Variants in MRM1 observed in about 807,000 individuals in gnomAD.
MRM1 encodes the protein rRNA methyltransferase 1, mitochondrial.
Under a neutral mutation model 25.0 loss-of-function variants are expected in MRM1, and 24 were observed. The ratio of observed to expected loss-of-function variants is 0.96; its 90% CI spans 0.69 to 1.35. MRM1 has a LOEUF of 1.35. MRM1 is among the 40% of genes most tolerant of loss of function. The probability of loss-of-function intolerance (pLI) is 0.00; values close to 1 mark genes in which losing one functional copy is unlikely to be tolerated. For missense variants in MRM1, 431 were observed against 464.1 expected, an observed-to-expected ratio of 0.93 and a Z score of 0.65; for synonymous variants, 188 against 199.2, an observed-to-expected ratio of 0.94 and a Z score of 0.47.
the MRM1 span, among the ~76,000 whole-genome samples, chr17:36,619,900 G>A: frequency 6.6e-6 from 1 of 152,094 alleles, no homozygotes; most frequent in African/African-American, 2.4e-5. Context: ...TAATGGATGC[G>A]AGGCGGCATC....
chr17:36,627,536 C>T, the MRM1 span, among the ~76,000 whole-genome samples: 1 of 149,782 alleles, frequency 6.7e-6, no homozygotes, highest in Admixed American at 6.6e-5. Context: ...GTTGACGAGA[C>T]CCTGACTGGG....
chr17:36,631,079 T>C, the MRM1 span, among the ~76,000 whole-genome samples: 1 of 152,248 alleles, frequency 6.6e-6, no homozygotes, highest in East Asian at 1.9e-4. Context: ...GAATGTTAGA[T>C]GCATGGAAGG....
downstream of MRM1, among the ~76,000 whole-genome samples, chr17:36,612,586 G>A (rs1473719567): frequency 3.3e-5 from 5 of 152,156 alleles, no homozygotes; most frequent in African/African-American, 9.7e-5. Flanking sequence ...TCCCCTGCAG[G>A]GCAAAGTTGG....
At chr17:36,617,237 G>A in the MRM1 span, among the ~76,000 whole-genome samples, 1 of 152,104 alleles carries the variant, frequency 6.6e-6, no homozygotes, top group Non-Finnish European at 1.5e-5. Flanking sequence ...AGATTTGAAG[G>A]CTCAGGCCTG....
chr17:36,633,951 G>C, the MRM1 span: 4 of 152,504 alleles, frequency 2.6e-5, no homozygotes, highest in Non-Finnish European at 5.9e-5. Flanking sequence ...CTGCGCGCTG[G>C]GGGTGATGTT....
At chr17:36,614,705 T>C in the MRM1 span, among the ~76,000 whole-genome samples, 7 of 152,024 alleles carry the variant, frequency 4.6e-5, no homozygotes, top group East Asian at 7.7e-4. Flanking sequence ...GTCTCTTCTG[T>C]AAAATGAGGA....
chr17:36,634,327 G>A, the MRM1 span: 4 of 152,210 alleles, frequency 2.6e-5, no homozygotes, highest in African/African-American at 9.7e-5. Flanking sequence ...TCACATCTGC[G>A]ACCTGCTGTA....
At chr17:36,617,199 CA>C in the MRM1 span, among the ~76,000 whole-genome samples, 157 of 152,272 alleles carry the variant, frequency 1.0e-3, no homozygotes, top group Non-Finnish European at 2.0e-3. Context: ...AGACTCCAGA[CA>C]TGGGTTCAAA....
chr17:36,604,706 G>A lies in MRM1; in HGVS notation c.636+2060G>A, dbSNP rs182742708. Among the ~76,000 whole-genome samples the A allele has an allele frequency of 2.6e-5, 4 of 151,832 alleles. No individual in the cohort carries two copies. In the East Asian group the frequency reaches 5.8e-4, roughly 22 times the overall value. On this transcript the variant is annotated intron_variant, in intron 2 of 4. Transcript: ENST00000614766. Reference sequence around the variant, plus strand: ...CTGTAGTCCCAGCTACTCGGGAGGCGGAGGTAGGAGAATCGCTTGAACCCG... The same window carrying A: ...CTGTAGTCCCAGCTACTCGGGAGGCAGAGGTAGGAGAATCGCTTGAACCCG...
chr17:36,614,520 C>G, the MRM1 span, among the ~76,000 whole-genome samples: 1 of 152,166 alleles, frequency 6.6e-6, no homozygotes. Context: ...ATCCTCTTCC[C>G]TCAACCTCTA....
rs1373488371 is a variant in MRM1 at position 36,602,433 on chromosome 17, C to T, written c.542+81C>T. On this transcript the variant is annotated intron_variant, in intron 1 of 4. Coordinates refer to ENST00000614766, the MANE Select transcript of MRM1 (RefSeq NM_024864.5). This position sits in a 1 kb window ranked among gnomAD's most constrained non-coding sequence, Gnocchi z 4.1. ...TAAGCACCTTGGCCCTTGGGTGATCCCTTAGCCAGACTTACCTGTCCCAGA... is the reference window on the plus strand; with the variant it reads ...TAAGCACCTTGGCCCTTGGGTGATCTCTTAGCCAGACTTACCTGTCCCAGA... 24 of 1,569,058 alleles carry T rather than the reference C, an allele frequency of 1.5e-5. No homozygotes were observed. In the Admixed American group the frequency reaches 3.0e-4, roughly 20 times the overall value.
At position 36,601,720 on chromosome 17, in the gene MRM1, C is replaced by G; in HGVS notation, c.-91C>G. 1 of 1,343,310 alleles carries G rather than the reference C, an allele frequency of 7.4e-7. No homozygotes were observed. The highest frequency in any genetic ancestry group is 1.0e-6 in the Non-Finnish European group (1 of 1,000,996). The allele number at this position is 1,343,310 out of a possible 1,614,324, so 83.2% of individuals were successfully genotyped here. A position where few individuals can be genotyped will look rare whatever the true frequency, so the allele number is the denominator to read the frequency against. On this transcript the variant is annotated 5_prime_UTR_variant, in exon 1 of 5. Transcript: ENST00000614766. ...GACGGCTGTCGAGTACCCTTCACCT[C>G]GGTGTTGGGAGCCTGGGAGCGAACT...
chr17:36,620,566 G>A, the MRM1 span, among the ~76,000 whole-genome samples: 1 of 152,226 alleles, frequency 6.6e-6, no homozygotes, highest in Non-Finnish European at 1.5e-5. Flanking sequence ...CCTGTCACTA[G>A]AGTTGTGCGA....
downstream of MRM1, among the ~76,000 whole-genome samples, chr17:36,610,803 A>T (rs1016286392): frequency 6.6e-6 from 1 of 152,030 alleles, no homozygotes; most frequent in African/African-American, 2.4e-5. Flanking sequence ...AGAAGGAGCC[A>T]TGTGTTGGTT....
At chr17:36,631,612 T>C in the MRM1 span, among the ~76,000 whole-genome samples, 9 of 152,242 alleles carry the variant, frequency 5.9e-5, no homozygotes, top group Admixed American at 5.2e-4. Context: ...GCATCCCTCC[T>C]GTCCTGCCAG....
At position 36,601,895 on chromosome 17, in the gene MRM1, C is replaced by A. The variant is rs2074872220; in HGVS notation, c.85C>A (p.Arg29=). The A allele has an allele frequency of 6.2e-7, 1 of 1,610,682 alleles. No homozygotes were observed. Among genetic ancestry groups the A allele is most frequent in the Non-Finnish European group, 8.5e-7 (1 of 1,179,424 alleles). ...CTCCCATGCAGCGCGGCATGGGGAG[C>A]GGCCTGGTGGGGAGGAGCTAAGCCG... is the stretch of plus-strand genomic sequence containing the variant. ...HFSHAARHGE[R]PGGEELSRLL... The change falls in exon 1 of 5, where the codon CGG becomes AGG. Residue 29 remains arginine (R), a synonymous_variant. Transcript: ENST00000614766.
At chr17:36,613,644 G>A (rs2074990424), downstream of MRM1, among the ~76,000 whole-genome samples, 1 of 152,204 alleles carries the variant, frequency 6.6e-6, no homozygotes, top group African/African-American at 2.4e-5. Flanking sequence ...AGGGAAAGCA[G>A]ACAGGGAGGC....
the MRM1 span, among the ~76,000 whole-genome samples, chr17:36,631,644 G>A: frequency 6.6e-6 from 1 of 152,220 alleles, no homozygotes; most frequent in Non-Finnish European, 1.5e-5. Flanking sequence ...TCTGAGCTCA[G>A]GTAAGCTGTC....
chr17:36,627,064 A>G, the MRM1 span, among the ~76,000 whole-genome samples: 1 of 152,206 alleles, frequency 6.6e-6, no homozygotes, highest in African/African-American at 2.4e-5. Flanking sequence ...GGGTTATTGT[A>G]GGACAGAATG....
Sources: gnomAD v4.1 joint callset for allele counts (sites outside exome capture counted in the v4.1 genomes callset) on GRCh38, gnomAD v4.1.1 for gene constraint, Gnocchi (gnomAD v3.1) non-coding constraint, MANE v1.5 for transcripts, NCBI Gene and HGNC (gene_info 2026-07-23, HGNC 2026-07-21) for gene names.